The following SGCZ variants were observed in gnomAD, a reference collection of about 807,000 sequenced individuals.
The protein encoded by SGCZ is sarcoglycan zeta.
In SGCZ, 40 loss-of-function variants were observed where a neutral mutation model predicts 41.3. The observed-to-expected ratio is 0.97, with a 90% confidence interval of 0.75 to 1.26. The LOEUF is 1.26. Among genes scored for constraint, SGCZ ranks in the 50% most tolerant of loss-of-function variants. SGCZ has a pLI of 0.00. For synonymous variants in SGCZ, 206 were observed against 137.5 expected (o/e 1.50, Z -3.49); for missense variants, 552 against 369.8 (o/e 1.49, Z -4.04).
intron 2 of SGCZ, among the ~76,000 whole-genome samples, chr8:14,438,593 A>G (rs2117359889): frequency 6.6e-6 from 1 of 152,170 alleles, no homozygotes; most frequent in South Asian, 2.1e-4. Flanking sequence ...GGGAATTAGG[A>G]AAGAAAAATT....
chr8:15,032,468 C>T (rs1803710513), intron 1 of SGCZ, among the ~76,000 whole-genome samples: 1 of 152,086 alleles, frequency 6.6e-6, no homozygotes, highest in African/African-American at 2.4e-5. Context: ...CAGGCCCACT[C>T]TAGTAAAATG....
chr8:14,649,023 G>C (rs1807313653), intron 1 of SGCZ, among the ~76,000 whole-genome samples: 1 of 152,014 alleles, frequency 6.6e-6, no homozygotes, highest in South Asian at 2.1e-4. Context: ...CTATAGTCTA[G>C]CTGCTGTTTG....
chr8:14,226,211 GACAT>G (rs1314245227), intron 4 of SGCZ, among the ~76,000 whole-genome samples: 1 of 151,954 alleles, frequency 6.6e-6, no homozygotes, highest in East Asian at 1.9e-4. Flanking sequence ...AAAAAAGACA[GACAT>G]CATGTAAATT....
intron 2 of SGCZ, among the ~76,000 whole-genome samples, chr8:14,410,053 G>A (rs889336417): frequency 3.9e-5 from 6 of 152,150 alleles, no homozygotes; most frequent in Non-Finnish European, 7.4e-5. Context: ...CAGCATTACC[G>A]TCTGAGCTCC....
chr8:14,657,365 C>T (rs997667796), intron 1 of SGCZ, among the ~76,000 whole-genome samples: 1 of 151,998 alleles, frequency 6.6e-6, no homozygotes, highest in African/African-American at 2.4e-5. Flanking sequence ...ACAACTTTAG[C>T]ATAACTATAT....
chr8:14,589,634 A>G lies in SGCZ; in HGVS notation c.40-34708T>C, dbSNP rs537331215. ...AAGTATGACTAATCTAAACTTTATTATTATTACGCATAATATTCATAGTTG... is the reference window on the plus strand; with the variant it reads ...AAGTATGACTAATCTAAACTTTATTGTTATTACGCATAATATTCATAGTTG... On this transcript the variant is annotated intron_variant, in intron 1 of 7. Coordinates refer to ENST00000382080, the MANE Select transcript of SGCZ (RefSeq NM_139167.4). Among the ~76,000 whole-genome samples, 3 of 152,254 alleles carry G rather than the reference A, an allele frequency of 2.0e-5. No individual in the cohort carries two copies. In the South Asian group the frequency reaches 6.2e-4, roughly 32 times the overall value.
intron 3 of SGCZ, among the ~76,000 whole-genome samples, chr8:14,253,243 G>GGTGTGTGTGTGTGTGTGT (rs10681510): frequency 6.7e-6 from 1 of 148,858 alleles, no homozygotes; most frequent in African/African-American, 2.5e-5. Flanking sequence ...TTGTGTGTAG[G>GGTGTGTGTGTGTGTGTGT]GTGTGTGTGT....
At chr8:14,925,370 G>C (rs1799714802) in intron 1 of SGCZ, among the ~76,000 whole-genome samples, 2 of 152,094 alleles carry the variant, frequency 1.3e-5, no homozygotes, top group Non-Finnish European at 2.9e-5. Flanking sequence ...TGTACTCACA[G>C]CATGGGAATC....
chr8:15,106,251 CA>C (rs1243424653), intron 1 of SGCZ, among the ~76,000 whole-genome samples: 6 of 151,992 alleles, frequency 3.9e-5, no homozygotes, highest in African/African-American at 1.4e-4. Flanking sequence ...TATTAGTTGT[CA>C]TTTTTTACAC....
chr8:14,374,332 G>C (rs937185646), intron 2 of SGCZ, among the ~76,000 whole-genome samples: 1 of 152,144 alleles, frequency 6.6e-6, no homozygotes, highest in Non-Finnish European at 1.5e-5. Context: ...GTGACAGAGA[G>C]ACCCTGTCTC....
intron 1 of SGCZ, among the ~76,000 whole-genome samples, chr8:14,863,396 C>T (rs1043177970): frequency 3.3e-5 from 5 of 152,108 alleles, no homozygotes; most frequent in African/African-American, 1.2e-4. Flanking sequence ...ACTATCATAG[C>T]TCACTGCAGC....
intron 2 of SGCZ, among the ~76,000 whole-genome samples, chr8:14,426,342 A>T (rs1799781851): frequency 6.6e-6 from 1 of 152,090 alleles, no homozygotes; most frequent in South Asian, 2.1e-4. Flanking sequence ...AATATTTTTA[A>T]ATAGGGTCGT....
intron 2 of SGCZ, among the ~76,000 whole-genome samples, chr8:14,478,086 T>G (rs560919302): frequency 6.6e-6 from 1 of 152,352 alleles, no homozygotes; most frequent in African/African-American, 2.4e-5. Flanking sequence ...TGCATCCTCA[T>G]TCACTGCAGA....
chr8:15,064,153 C>T lies in SGCZ; in HGVS notation c.39+173432G>A, dbSNP rs180835053. 1.5e-3 allele frequency among the ~76,000 whole-genome samples: 233 copies of T among 152,180 alleles called. 1 individual carries two copies. The highest frequency in any genetic ancestry group is 5.0e-3 in the African/African-American group (207 of 41,520). ...ATTCCTGGGTGATTTTATTTATGGC[C>T]ATGACATGACCCATACTGTACTTCT... On this transcript the variant is annotated intron_variant, in intron 1 of 7. Coordinates refer to ENST00000382080, the MANE Select transcript of SGCZ (RefSeq NM_139167.4).
intron 1 of SGCZ, among the ~76,000 whole-genome samples, chr8:15,061,632 C>G (rs755797746): frequency 6.6e-6 from 1 of 152,068 alleles, no homozygotes; most frequent in Admixed American, 6.5e-5. Context: ...AGTGCTCTTT[C>G]CTTTTTTGCC....
intron 1 of SGCZ, among the ~76,000 whole-genome samples, chr8:14,889,461 T>A (rs1019761842): frequency 6.6e-6 from 1 of 152,190 alleles, no homozygotes; most frequent in African/African-American, 2.4e-5. Context: ...GTTATATTAA[T>A]GTATTAAGTT....
Position 15,001,782 on chromosome 8 carries a change from T to A in SGCZ, c.39+235803A>T, listed in dbSNP as rs183396084. On this transcript the variant is annotated intron_variant, in intron 1 of 7. Transcript: ENST00000382080. ...AAAAGGAGTTGAGTGTAATAATGAT[T>A]AATATTTATTAAGCACTTTCATGAA... Among the ~76,000 whole-genome samples, 24 of 150,634 alleles carry A rather than the reference T, an allele frequency of 1.6e-4. No individual in the cohort carries two copies. In the East Asian group the frequency reaches 4.1e-3, roughly 26 times the overall value.
At chr8:14,675,242 A>G (rs999637079) in intron 1 of SGCZ, among the ~76,000 whole-genome samples, 3 of 151,578 alleles carry the variant, frequency 2.0e-5, no homozygotes, top group African/African-American at 7.3e-5. Context: ...ACCCGGCCAA[A>G]CCTCTTTTCT....
intron 1 of SGCZ, among the ~76,000 whole-genome samples, chr8:15,105,376 G>T (rs1333550795): frequency 6.6e-6 from 1 of 152,150 alleles, no homozygotes; most frequent in Non-Finnish European, 1.5e-5. Context: ...AAGAAAAGAG[G>T]TTTAATTGAC....
Sources: allele counts gnomAD v4.1 joint callset (sites outside exome capture counted in the v4.1 genomes callset), GRCh38; gene constraint gnomAD v4.1.1; transcripts MANE v1.5; gene names NCBI Gene and HGNC (gene_info 2026-07-23, HGNC 2026-07-21).